Variants in MTMR6 observed in about 807,000 individuals in gnomAD.
The protein encoded by MTMR6 is phosphatidylinositol-3,5-bisphosphate 3-phosphatase MTMR6.
A neutral mutation model predicts 80.1 loss-of-function variants in MTMR6; 47 were observed. The observed-to-expected ratio is 0.59, with a 90% CI of 0.46 to 0.75. MTMR6 has a LOEUF of 0.75. MTMR6 is among the 30% of genes least tolerant of loss of function. The probability of loss-of-function intolerance (pLI) is 0.00; values close to 1 mark genes in which losing one functional copy is unlikely to be tolerated. For synonymous variants in MTMR6, 254 were observed against 253.0 expected (o/e 1.00, Z -0.04); for missense variants, 629 against 730.9 (o/e 0.86, Z 1.61).
At chr13:25,286,752 G>C (rs1295492992) in intron 1 of MTMR6, among the ~76,000 whole-genome samples, 1 of 152,222 alleles carries the variant, frequency 6.6e-6, no homozygotes, top group Non-Finnish European at 1.5e-5. Context: ...AGGTGGAGCG[G>C]AGTGCTGATC....
rs182232073 is a variant in MTMR6 at position 25,257,691 on chromosome 13, A to C, written c.969+45T>G. On this transcript the variant is annotated intron_variant, in intron 8 of 13. Coordinates refer to ENST00000381801, the MANE Select transcript of MTMR6 (RefSeq NM_004685.5). Reference sequence around the variant, plus strand: ...CAACAGAATACATCTACTCCTTCCCAATCATTATAGACCCCAAGACCAAAT... The same window carrying C: ...CAACAGAATACATCTACTCCTTCCCCATCATTATAGACCCCAAGACCAAAT... 3.4e-4 allele frequency: 479 copies of C among 1,403,752 alleles called. 1 individual carries two copies. In the East Asian group the frequency reaches 9.2e-3, roughly 27 times the overall value. 87.0% of individuals were successfully genotyped at this position (1,403,752 alleles called of 1,614,324 possible).
Position 25,246,917 on chromosome 13 carries a change from A to G in MTMR6, c.*2315T>C, listed in dbSNP as rs947038919. The G allele has an allele frequency of 6.6e-6, 1 of 152,166 alleles. No homozygotes were observed. The highest frequency in any genetic ancestry group is 2.4e-5 in the African/African-American group (1 of 41,442). The allele number at this position is 152,166 out of a possible 1,614,324, so 9.4% of individuals were successfully genotyped here. On this transcript the variant is annotated 3_prime_UTR_variant, in exon 14 of 14. Transcript: ENST00000381801. ...TACATCCAGATCTGCCTTTGGAGAGACATTTCACCTCGAATGTTTGTACTC... is the reference window on the plus strand; with the variant it reads ...TACATCCAGATCTGCCTTTGGAGAGGCATTTCACCTCGAATGTTTGTACTC...
Position 25,274,158 on chromosome 13 carries a change from G to C in MTMR6, c.54C>G (p.Phe18Leu). 1 of 1,610,670 alleles carries C rather than the reference G, an allele frequency of 6.2e-7. No homozygotes were observed. Among genetic ancestry groups the C allele is most frequent in the Non-Finnish European group, 8.5e-7 (1 of 1,178,094 alleles). ...KVEQVKLLDR[F>L]STSNKSLTGT... is the part of the protein sequence containing the mutation. The stretch of plus-strand genomic sequence containing the variant: ...CTGTTAATGACTTGTTGCTGGTACT[G>C]AATCGGTCAAGTAATTTTACTTGTT... Residue 18 changes from phenylalanine to leucine, a missense_variant, in exon 2 of 14, where the codon TTC (phenylalanine) becomes TTG (leucine). By Grantham distance (22) the Phe-to-Leu change is conservative. Transcript: ENST00000381801.
intron 9 of MTMR6, 102 bp from the exon 10 acceptor site, chr13:25,254,536 T>G: frequency 2.5e-6 from 2 of 785,138 alleles, no homozygotes; most frequent in Non-Finnish European, 4.1e-6. Flanking sequence ...ACTGTACACT[T>G]TTAACTTATA....
chr13:25,254,972 A>C (rs1184421554), intron 9 of MTMR6, among the ~76,000 whole-genome samples: 2 of 152,218 alleles, frequency 1.3e-5, no homozygotes, highest in African/African-American at 4.8e-5. Flanking sequence ...AAGTGTTAAC[A>C]TCTATCCTCT....
intron 2 of MTMR6, among the ~76,000 whole-genome samples, chr13:25,273,776 C>G (rs1169300005): frequency 6.6e-6 from 1 of 152,096 alleles, no homozygotes; most frequent in Non-Finnish European, 1.5e-5. Flanking sequence ...CCACCCACCT[C>G]GGCCTCCCAA....
chr13:25,287,177 G>A (rs1382951697), intron 1 of MTMR6, 47 bp downstream of exon 1: 3 of 1,575,646 alleles, frequency 1.9e-6, no homozygotes, highest in Non-Finnish European at 2.6e-6. Context: ...TGCCTCAGCC[G>A]GGTCAGAGCA....
chr13:25,278,928 C>A lies in MTMR6; in HGVS notation c.25-4741G>T, dbSNP rs189003012. Among the ~76,000 whole-genome samples the A allele has an allele frequency of 3.8e-4, 58 of 152,152 alleles. No individual in the cohort carries two copies. The East Asian group carries it at 0.01, about 26-fold the overall frequency. On this transcript the variant is annotated intron_variant, in intron 1 of 13. Coordinates refer to ENST00000381801, the MANE Select transcript of MTMR6 (RefSeq NM_004685.5). ...TGCACAACTCCATTACATGCACGCACACACTCAAACACACATACATCTTTG... is the reference window on the plus strand; with the variant it reads ...TGCACAACTCCATTACATGCACGCAAACACTCAAACACACATACATCTTTG...
rs1366639942 is a variant in MTMR6 at position 25,253,804 on chromosome 13, T to C, written c.1306A>G (p.Asn436Asp). 6.2e-7 allele frequency: 1 copy of C among 1,614,150 alleles called. No homozygotes were observed. The highest frequency in any genetic ancestry group is 1.6e-4 in the Middle Eastern group (1 of 6,062). Residue 436 changes from asparagine to aspartate, a missense_variant, in exon 11 of 14, where the codon AAC (asparagine) becomes GAC (aspartate). Coordinates refer to ENST00000381801, the MANE Select transcript of MTMR6 (RefSeq NM_004685.5). ...HEHIHSCQFG[N>D]FLGNCQKERE... is the part of the protein sequence containing the mutation. ...TCCTTCTGACAATTTCCAAGGAAGT[T>C]TCCAAACTGGCATGAATGAATATGC...
intron 5 of MTMR6, among the ~76,000 whole-genome samples, chr13:25,265,534 G>A (rs1351622770): frequency 6.6e-6 from 1 of 152,056 alleles, no homozygotes. Flanking sequence ...TTGAGGTCAG[G>A]AGTTCAAGAC....
At chr13:25,264,269 A>C (rs1488742684) in intron 5 of MTMR6, among the ~76,000 whole-genome samples, 1 of 152,124 alleles carries the variant, frequency 6.6e-6, no homozygotes, top group Non-Finnish European at 1.5e-5. Flanking sequence ...AATCCAAAAA[A>C]AAAAATGAAA....
intron 2 of MTMR6, among the ~76,000 whole-genome samples, chr13:25,273,825 TAGGAACAAC>T (rs1317531604): frequency 1.3e-5 from 2 of 152,122 alleles, no homozygotes; most frequent in Admixed American, 1.3e-4. Flanking sequence ...GCATCCGGCC[TAGGAACAAC>T]AGGTATTTCA....
At chr13:25,276,148 A>G (rs1297340543) in intron 1 of MTMR6, among the ~76,000 whole-genome samples, 2 of 152,202 alleles carry the variant, frequency 1.3e-5, no homozygotes, top group African/African-American at 2.4e-5. Flanking sequence ...GCCAACCACC[A>G]CCGAGCAATT....
At position 25,251,166 on chromosome 13, in the gene MTMR6, G is replaced by A. The variant is rs778804124; in HGVS notation, c.1605+483C>T. On this transcript the variant is annotated intron_variant, in intron 13 of 13. Coordinates refer to ENST00000381801, the MANE Select transcript of MTMR6 (RefSeq NM_004685.5). The surrounding 1 kb of genome is among the most constrained non-coding windows in gnomAD (Gnocchi z 4.1). ...CAAGTAGCTGGGATTACAGGCATGC[G>A]CCACCATGCCCGGCTACTTTTTTGT... Among the ~76,000 whole-genome samples the A allele has an allele frequency of 2.0e-5, 3 of 152,146 alleles. No individual in the cohort carries two copies. The highest frequency in any genetic ancestry group is 2.9e-5 in the Non-Finnish European group (2 of 67,992).
At chr13:25,254,077 G>A in intron 10 of MTMR6, 113 bp from the exon 11 acceptor site, 1 of 1,082,658 alleles carries the variant, frequency 9.2e-7, no homozygotes, top group Non-Finnish European at 1.3e-6. Context: ...ACATTAGCAT[G>A]CAAAACTAGA....
chr13:25,266,106 T>C, intron 4 of MTMR6, 23 bp downstream of exon 4: 2 of 1,611,288 alleles, frequency 1.2e-6, no homozygotes, highest in Non-Finnish European at 1.7e-6. Flanking sequence ...TTTCTGAATT[T>C]CTCCAAAATG....
At chr13:25,268,054 C>T (rs1593151459) in intron 2 of MTMR6, 113 bp from the exon 3 acceptor site, 1 of 991,244 alleles carries the variant, frequency 1.0e-6, no homozygotes, top group Non-Finnish European at 1.4e-6. Flanking sequence ...ATGTTACATA[C>T]TCACTCAAAC....
At chr13:25,269,197 A>T (rs1186398080) in intron 2 of MTMR6, among the ~76,000 whole-genome samples, 1 of 152,178 alleles carries the variant, frequency 6.6e-6, no homozygotes, top group Non-Finnish European at 1.5e-5. Context: ...CACCTAACAC[A>T]GTACCTGGAA....
In MTMR6 at chr13:25,257,277, A is replaced by T; in HGVS notation, c.1014T>A (p.Asp338Glu). ...AAACCTGGGAAGTCCTATCCCAACC[A>T]TCGGAACAATGCACCAACACACTTG... is the stretch of plus-strand genomic sequence containing the variant. ...ENASVLVHCS[D>E]GWDRTSQVCS... The change falls in exon 9 of 14, where the codon GAT becomes GAA. Residue 338 changes from aspartate (D) to glutamate (E), a missense_variant. Transcript: ENST00000381801. 2 of 1,613,962 alleles carry T rather than the reference A, an allele frequency of 1.2e-6. No homozygotes were observed. Among genetic ancestry groups the T allele is most frequent in the Non-Finnish European group, 1.7e-6 (2 of 1,179,870 alleles).
Sources: gnomAD v4.1 joint callset for allele counts (sites outside exome capture counted in the v4.1 genomes callset) on GRCh38, gnomAD v4.1.1 for gene constraint, Gnocchi (gnomAD v3.1) non-coding constraint, MANE v1.5 for transcripts, NCBI Gene and HGNC (gene_info 2026-07-23, HGNC 2026-07-21) for gene names.